The following TMEM59 variants were observed in gnomAD, a reference collection of about 807,000 sequenced individuals.
TMEM59 encodes the protein transmembrane protein 59.
In TMEM59, 44 loss-of-function variants were observed where a neutral mutation model predicts 42.2. The ratio of observed to expected loss-of-function variants is 1.04; its 90% CI spans 0.82 to 1.34. The LOEUF (loss-of-function observed/expected upper bound fraction) is 1.34, where lower values mean the gene tolerates loss of function less well. TMEM59 is among the 40% of genes most tolerant of loss of function. The pLI, the probability that TMEM59 is intolerant of heterozygous loss-of-function variation, is 0.00. For missense variants in TMEM59, 359 were observed against 382.8 expected (o/e 0.94, Z 0.52); for synonymous variants, 148 against 145.8 (o/e 1.02, Z -0.11).
chr1:54,053,377 C>G (rs989303207), upstream of TMEM59: 12 of 652,138 alleles, frequency 1.8e-5, no homozygotes, highest in African/African-American at 1.8e-4. Flanking sequence ...CGAACTTCTT[C>G]TCCTAGGCTG....
At position 54,026,878 on chromosome 1, in the gene TMEM59, C is replaced by T. The variant is rs1225400682; in HGVS notation, c.*5272G>A. On this transcript the variant is annotated 3_prime_UTR_variant, in exon 8 of 8. Transcript: ENST00000234831. ...ACCCAAGTCTTCAATTATTACTGTT[C>T]TAACACTGCAAAAACCATTCAAGCA... The T allele has an allele frequency of 1.3e-5, 2 of 152,180 alleles. No homozygotes were observed. Among genetic ancestry groups the T allele is most frequent in the East Asian group, 3.9e-4 (2 of 5,182 alleles). 9.4% of individuals were successfully genotyped at this position (152,180 alleles called of 1,614,324 possible). A position where few individuals can be genotyped will look rare whatever the true frequency, so the allele number is the denominator to read the frequency against.
In TMEM59 at chr1:54,045,733, A is replaced by G; in HGVS notation, c.349T>C (p.Cys117Arg). 6.2e-7 allele frequency: 1 copy of G among 1,614,166 alleles called. No individual in the cohort carries two copies. ...TCAGCGAATGGCAGCTGATTCTGGCAACCAAGATGGCAAGCATATTGCTCA... is the reference window on the plus strand; with the variant it reads ...TCAGCGAATGGCAGCTGATTCTGGCGACCAAGATGGCAAGCATATTGCTCA... ...SDEQYACHLG[C>R]QNQLPFAELR... The change falls in exon 3 of 8, where the codon TGC becomes CGC. Residue 117 changes from cysteine (C) to arginine (R), a missense_variant. By Grantham distance (180) the Cys-to-Arg change is radical (BLOSUM62 -3). Coordinates refer to ENST00000234831, the MANE Select transcript of TMEM59 (RefSeq NM_004872.5).
At chr1:54,045,327 CAAG>C (rs1240916310) in intron 3 of TMEM59, among the ~76,000 whole-genome samples, 1 of 152,016 alleles carries the variant, frequency 6.6e-6, no homozygotes, top group Non-Finnish European at 1.5e-5. Flanking sequence ...AAAATACAGA[CAAG>C]AAATGATTAT....
Position 54,032,136 on chromosome 1 carries a change from T to C in TMEM59, c.*14A>G, listed in dbSNP as rs1656782638. The C allele has an allele frequency of 2.5e-6, 4 of 1,603,140 alleles. No homozygotes were observed. Among genetic ancestry groups the C allele is most frequent in the Middle Eastern group, 1.8e-4 (1 of 5,638 alleles). The stretch of plus-strand genomic sequence containing the variant: ...TTAGATGTCTATTACACTTGTCTTT[T>C]AAAAGAAAAATGCTTAAATTTCAGA... On this transcript the variant is annotated 3_prime_UTR_variant, in exon 8 of 8. Transcript: ENST00000234831.
chr1:54,036,569 A>T (rs1457934905), intron 7 of TMEM59, 41 bp downstream of exon 7: 1 of 1,441,070 alleles, frequency 6.9e-7, no homozygotes, highest in Non-Finnish European at 9.4e-7. Context: ...AAAATGATAT[A>T]TCACAGGGCT....
chr1:54,038,393 G>T (rs1657024335), intron 6 of TMEM59, among the ~76,000 whole-genome samples: 1 of 152,156 alleles, frequency 6.6e-6, no homozygotes, highest in Non-Finnish European at 1.5e-5. Flanking sequence ...CTGTGTATGA[G>T]ACATGTGTAG....
At position 54,028,741 on chromosome 1, in the gene TMEM59, T is replaced by C. The variant is rs1163308040; in HGVS notation, c.*3409A>G. ...CCCATAATGCATACAGCTCCTCCTA[T>C]GTGCTCTGTGCTTGGTCATAGCACT... On this transcript the variant is annotated 3_prime_UTR_variant, in exon 8 of 8. Transcript: ENST00000234831. 7 of 152,354 alleles carry C rather than the reference T, an allele frequency of 4.6e-5. No individual in the cohort carries two copies. In the East Asian group the frequency reaches 7.7e-4, roughly 17 times the overall value. The allele number at this position is 152,354 out of a possible 1,614,324, so 9.4% of individuals were successfully genotyped here.
At chr1:54,053,459 GGGCAGGC>G (rs1192133661), upstream of TMEM59, 16 of 472,302 alleles carry the variant, frequency 3.4e-5, no homozygotes, top group African/African-American at 2.5e-4. Context: ...TCCCTTCGCG[GGGCAGGC>G]TGGGGCATGT....
At chr1:54,036,129 C>T (rs2100302718) in intron 7 of TMEM59, among the ~76,000 whole-genome samples, 1 of 152,128 alleles carries the variant, frequency 6.6e-6, no homozygotes, top group Non-Finnish European at 1.5e-5. Context: ...ACTGAATATA[C>T]AAAAATTAGC....
At chr1:54,035,751 C>T (rs1428139678) in intron 7 of TMEM59, among the ~76,000 whole-genome samples, 1 of 152,004 alleles carries the variant, frequency 6.6e-6, no homozygotes, top group Admixed American at 6.6e-5. Context: ...TAGCTGGGAT[C>T]ACGGGCACGC....
intron 1 of TMEM59, among the ~76,000 whole-genome samples, chr1:54,052,382 TAGGC>T (rs1657575366): frequency 6.6e-6 from 1 of 152,198 alleles, no homozygotes; most frequent in South Asian, 2.1e-4. Flanking sequence ...CAGTTTCTGG[TAGGC>T]AGACACCTAA....
intron 7 of TMEM59, chr1:54,034,835 T>C (rs549615867): frequency 6.6e-6 from 1 of 152,178 alleles, no homozygotes; most frequent in Admixed American, 6.5e-5. Context: ...GGATCTGATA[T>C]AGCAGGCCTC....
At chr1:54,041,882 T>A in intron 4 of TMEM59, 77 bp from the exon 5 acceptor site, 2 of 1,145,446 alleles carry the variant, frequency 1.7e-6, no homozygotes, top group Non-Finnish European at 2.6e-6. Flanking sequence ...AAACAAATCA[T>A]CTCTTTAAAC....
chr1:54,034,348 A>C (rs1451680663), intron 7 of TMEM59: 2 of 152,136 alleles, frequency 1.3e-5, no homozygotes, highest in African/African-American at 4.8e-5. Flanking sequence ...ATGTTCTAAA[A>C]GTGATTGTCA....
At chr1:54,044,535 G>GTC (rs1172266959) in intron 3 of TMEM59, 1 of 128,624 alleles carries the variant, frequency 7.8e-6, no homozygotes, top group Admixed American at 8.5e-5. Context: ...TTGAGACAGT[G>GTC]TCTCGCTCTG....
chr1:54,050,280 G>A (rs1020914982), intron 1 of TMEM59, among the ~76,000 whole-genome samples: 46 of 150,794 alleles, frequency 3.1e-4, no homozygotes, highest in African/African-American at 1.0e-3. Context: ...CGTGCGCCAT[G>A]TTCGGCTAAT....
chr1:54,036,879 C>T, intron 6 of TMEM59, 161 bp from the exon 7 acceptor site: 1 of 429,492 alleles, frequency 2.3e-6, no homozygotes, highest in Non-Finnish European at 4.2e-6. Context: ...AAATATTATA[C>T]TAATAGCTAT....
chr1:54,050,398 C>T (rs1408553307), intron 1 of TMEM59, among the ~76,000 whole-genome samples: 1 of 152,130 alleles, frequency 6.6e-6, no homozygotes, highest in South Asian at 2.1e-4. Flanking sequence ...GCTGGAATTA[C>T]AGGCGTGAGC....
intron 1 of TMEM59, among the ~76,000 whole-genome samples, 161 bp downstream of exon 1, chr1:54,052,839 G>T (rs997178674): frequency 6.6e-6 from 1 of 152,154 alleles, no homozygotes; most frequent in Non-Finnish European, 1.5e-5. Flanking sequence ...AGCAGAAATG[G>T]GGTGCAGGCA....
Sources: gnomAD v4.1 joint callset for allele counts (sites outside exome capture counted in the v4.1 genomes callset) on GRCh38, gnomAD v4.1.1 for gene constraint, MANE v1.5 for transcripts, NCBI Gene and HGNC (gene_info 2026-07-23, HGNC 2026-07-21) for gene names.